Variants in SV2C observed in about 807,000 individuals in gnomAD.
SV2C encodes solute carrier family 22 member B3.
SV2C carries 49 observed loss-of-function variants against 79.7 expected under a neutral mutation model. The observed-to-expected ratio is 0.61, with a 90% CI of 0.49 to 0.78. SV2C has a LOEUF of 0.78. Among genes scored for constraint, SV2C ranks in the 30% least tolerant of loss-of-function variants. The pLI is 0.00. For synonymous variants in SV2C, 334 were observed against 333.2 expected (o/e 1.00, Z -0.03); for missense variants, 833 against 912.9 (o/e 0.91, Z 1.13).
chr5:76,101,339 A>G (rs1747736168), intron 1 of SV2C, among the ~76,000 whole-genome samples: 1 of 152,198 alleles, frequency 6.6e-6, no homozygotes, highest in African/African-American at 2.4e-5. Context: ...GGCTTAGGTC[A>G]GGAACAGCCT....
At chr5:76,021,386 A>T in the SV2C span, among the ~76,000 whole-genome samples, 1 of 152,246 alleles carries the variant, frequency 6.6e-6, no homozygotes, top group Non-Finnish European at 1.5e-5. Context: ...TGGACAAAAC[A>T]AATGAATGTT....
chr5:76,009,743 G>A, the SV2C span, among the ~76,000 whole-genome samples: 2 of 152,084 alleles, frequency 1.3e-5, no homozygotes, highest in East Asian at 3.9e-4. Flanking sequence ...AATAGACACG[G>A]GGGACCCCTA....
intron 2 of SV2C, among the ~76,000 whole-genome samples, chr5:76,186,582 T>A (rs933038748): frequency 6.6e-6 from 1 of 152,148 alleles, no homozygotes; most frequent in Non-Finnish European, 1.5e-5. Flanking sequence ...ATCCCAGCTA[T>A]GCAGGAGGCT....
chr5:76,292,388 A>G (rs890441453), intron 8 of SV2C, among the ~76,000 whole-genome samples: 5 of 151,992 alleles, frequency 3.3e-5, no homozygotes, highest in African/African-American at 1.2e-4. Context: ...AGCACTTTCT[A>G]CCTTCTAATA....
At chr5:75,884,298 G>C in the SV2C span, among the ~76,000 whole-genome samples, 1 of 152,098 alleles carries the variant, frequency 6.6e-6, no homozygotes. Flanking sequence ...AGTGGAACCT[G>C]CCAACAATGC....
chr5:76,302,478 A>T (rs1748042813), intron 12 of SV2C, among the ~76,000 whole-genome samples: 3 of 151,878 alleles, frequency 2.0e-5, no homozygotes, highest in Admixed American at 6.6e-5. Context: ...TACAAAAAAA[A>T]ACCTAGCCAG....
chr5:75,914,252 T>C, the SV2C span, among the ~76,000 whole-genome samples: 1 of 152,246 alleles, frequency 6.6e-6, no homozygotes, highest in Non-Finnish European at 1.5e-5. Context: ...CACACCTCAT[T>C]CATTTAAACA....
the SV2C span, among the ~76,000 whole-genome samples, chr5:75,940,049 C>G: frequency 6.6e-6 from 1 of 152,188 alleles, no homozygotes; most frequent in South Asian, 2.1e-4. Flanking sequence ...AGTGTCTCCA[C>G]CACAAGACTG....
intron 2 of SV2C, among the ~76,000 whole-genome samples, chr5:76,147,067 T>A (rs1749459114): frequency 6.6e-6 from 1 of 151,974 alleles, no homozygotes; most frequent in African/African-American, 2.4e-5. Context: ...GAGAGGGGAA[T>A]GGGAAGGTAC....
At chr5:75,958,117 T>C in the SV2C span, among the ~76,000 whole-genome samples, 1 of 151,996 alleles carries the variant, frequency 6.6e-6, no homozygotes, top group Non-Finnish European at 1.5e-5. Context: ...AATAGAGTTT[T>C]TGAGCAAAGT....
the SV2C span, among the ~76,000 whole-genome samples, chr5:76,006,328 C>G: frequency 6.6e-6 from 1 of 152,092 alleles, no homozygotes; most frequent in East Asian, 1.9e-4. Flanking sequence ...TCTCTTTTTG[C>G]CCATCCTCTT....
At chr5:76,032,296 A>T in the SV2C span, among the ~76,000 whole-genome samples, 1 of 151,958 alleles carries the variant, frequency 6.6e-6, no homozygotes, top group South Asian at 2.1e-4. Context: ...CATGTGCACA[A>T]TGTGCAGTTA....
Position 76,296,066 on chromosome 5 carries a change from T to C in SV2C, c.1502+124T>C, listed in dbSNP as rs1580041827. On this transcript the variant is annotated intron_variant, in intron 9 of 12. Coordinates refer to ENST00000502798, the MANE Select transcript of SV2C (RefSeq NM_014979.4). ...TTGTTTTAGTTTGTACATTTAGTCA[T>C]TTTCATGATGAATTTCAATACTTCT... 11 of 901,294 alleles carry C rather than the reference T, an allele frequency of 1.2e-5. 1 individual carries two copies. The East Asian group carries it at 3.1e-4, about 25-fold the overall frequency. The allele number at this position is 901,294 out of a possible 1,614,324, so 55.8% of individuals were successfully genotyped here.
At chr5:75,856,137 G>GTACTA in the SV2C span, among the ~76,000 whole-genome samples, 3 of 152,226 alleles carry the variant, frequency 2.0e-5, no homozygotes, top group South Asian at 6.2e-4. Flanking sequence ...TCTTTTTGGG[G>GTACTA]CTGAATAGTA....
the SV2C span, among the ~76,000 whole-genome samples, chr5:75,996,645 C>A: frequency 1.3e-5 from 2 of 151,994 alleles, no homozygotes; most frequent in South Asian, 2.1e-4. Flanking sequence ...TTGTTTGTAT[C>A]CTCTTTTATT....
At chr5:75,951,481 G>A in the SV2C span, among the ~76,000 whole-genome samples, 1 of 151,966 alleles carries the variant, frequency 6.6e-6, no homozygotes, top group Non-Finnish European at 1.5e-5. Context: ...TCAGATCCAA[G>A]GTTTCAAACT....
chr5:76,296,509 T>C (rs561917486), intron 9 of SV2C, among the ~76,000 whole-genome samples: 2 of 152,316 alleles, frequency 1.3e-5, no homozygotes, highest in South Asian at 4.1e-4. Flanking sequence ...GAAATACTTC[T>C]TGATGACAAG....
At chr5:75,961,261 G>A in the SV2C span, among the ~76,000 whole-genome samples, 28 of 151,880 alleles carry the variant, frequency 1.8e-4, no homozygotes, top group Non-Finnish European at 3.4e-4. Flanking sequence ...TTCTGTCAAT[G>A]GGCTGCTGCT....
the SV2C span, among the ~76,000 whole-genome samples, chr5:76,012,798 G>A: frequency 6.6e-6 from 1 of 152,074 alleles, no homozygotes; most frequent in African/African-American, 2.4e-5. Context: ...GTAAGGAAGG[G>A]GTCCAGTTTC....
Sources: gnomAD v4.1 joint callset for allele counts (sites outside exome capture counted in the v4.1 genomes callset) on GRCh38, gnomAD v4.1.1 for gene constraint, MANE v1.5 for transcripts, NCBI Gene and HGNC (gene_info 2026-07-23, HGNC 2026-07-21) for gene names.